COL5A2: variants seen among roughly 807,000 people sequenced by gnomAD.
The protein encoded by COL5A2 is collagen type V alpha 2 chain, also known as collagen alpha-2(V) chain.
COL5A2 carries 23 observed loss-of-function variants against 208.2 expected under a neutral mutation model. That is an observed-to-expected ratio of 0.11 (90% CI 0.08 to 0.16). COL5A2 has a LOEUF of 0.16. Ranked by LOEUF, COL5A2 falls within the 10% of genes least tolerant of loss-of-function variation. The probability of loss-of-function intolerance (pLI) is 1.00; values close to 1 mark genes in which losing one functional copy is unlikely to be tolerated. For missense variants in COL5A2, 1,590 were observed against 1,956.4 expected (o/e 0.81, Z 3.53); for synonymous variants, 625 against 628.5 (o/e 0.99, Z 0.08).
chr2:189,224,063 G>C (rs1235624033), intron 1 of COL5A2, among the ~76,000 whole-genome samples: 1 of 152,042 alleles, frequency 6.6e-6, no homozygotes, highest in Non-Finnish European at 1.5e-5. Flanking sequence ...GGAAGGAGGG[G>C]TGGTGCCAAA....
the COL5A2 span, among the ~76,000 whole-genome samples, chr2:189,272,828 C>T: frequency 6.6e-6 from 1 of 152,060 alleles, no homozygotes. Flanking sequence ...TTATTCTCCA[C>T]CAGTTTGTGG....
rs557612955 is a variant in COL5A2 at position 189,062,069 on chromosome 2, C to A, written c.1978-454G>T. On this transcript the variant is annotated intron_variant, in intron 29 of 53. Coordinates refer to ENST00000374866, the MANE Select transcript of COL5A2 (RefSeq NM_000393.5). ...AAAGATTTAAACTGCCCCACCCCCCCAAAAAAATATGCCAAAATATTTCGG... is the reference window on the plus strand; with the variant it reads ...AAAGATTTAAACTGCCCCACCCCCCAAAAAAAATATGCCAAAATATTTCGG... Among the ~76,000 whole-genome samples, 981 of 151,854 alleles carry A rather than the reference C, an allele frequency of 6.5e-3. 3 individuals carry two copies. Among genetic ancestry groups the A allele is most frequent in the Non-Finnish European group, 0.011 (716 of 67,942 alleles).
Position 189,039,197 on chromosome 2 carries a change from C to A in COL5A2, c.3925+75G>T. 2.6e-6 allele frequency: 4 copies of A among 1,529,598 alleles called. No individual in the cohort carries two copies. In the South Asian group the frequency reaches 3.4e-5, roughly 13 times the overall value. The allele number at this position is 1,529,598 out of a possible 1,614,324, so 94.8% of individuals were successfully genotyped here. A position where few individuals can be genotyped will look rare whatever the true frequency, so the allele number is the denominator to read the frequency against. On this transcript the variant is annotated intron_variant, in intron 51 of 53. Transcript: ENST00000374866. ...CTATCACTAAGTAGAAAGTCAGTAA[C>A]ATATTTTGGAATGCAGTTGAGAATA...
At chr2:189,098,155 A>C (rs908608353) in intron 5 of COL5A2, among the ~76,000 whole-genome samples, 1 of 152,228 alleles carries the variant, frequency 6.6e-6, no homozygotes, top group Non-Finnish European at 1.5e-5. Context: ...ATCGTTTAAA[A>C]GTGAGGGCTT....
upstream of COL5A2, among the ~76,000 whole-genome samples, chr2:189,228,969 C>A (rs183202110): frequency 1.3e-5 from 2 of 151,738 alleles, no homozygotes; most frequent in African/African-American, 4.8e-5. Flanking sequence ...TATGACCAAG[C>A]GAGATTTATC....
intron 1 of COL5A2, among the ~76,000 whole-genome samples, chr2:189,151,395 C>A (rs1688138982): frequency 1.3e-5 from 2 of 152,182 alleles, no homozygotes; most frequent in South Asian, 4.1e-4. Flanking sequence ...AGAGCAAAGA[C>A]AATCTAGATA....
chr2:189,144,313 C>G (rs1016520134), intron 1 of COL5A2, among the ~76,000 whole-genome samples: 10 of 152,156 alleles, frequency 6.6e-5, no homozygotes, highest in African/African-American at 2.4e-4. Flanking sequence ...TTAGTTTTAC[C>G]TAGTTAGGAG....
intron 31 of COL5A2, among the ~76,000 whole-genome samples, chr2:189,059,289 T>C (rs2105580205): frequency 6.6e-6 from 1 of 152,232 alleles, no homozygotes; most frequent in African/African-American, 2.4e-5. Flanking sequence ...GTCTTTTAAA[T>C]AGAACCAATC....
chr2:189,325,481 G>GAT, the COL5A2 span, among the ~76,000 whole-genome samples: 1 of 148,910 alleles, frequency 6.7e-6, no homozygotes, highest in East Asian at 2.0e-4. Context: ...TCCCCAAACA[G>GAT]ACACACACAC....
At chr2:189,108,483 A>G (rs1687195483) in intron 2 of COL5A2, among the ~76,000 whole-genome samples, 1 of 151,874 alleles carries the variant, frequency 6.6e-6, no homozygotes, top group African/African-American at 2.4e-5. Context: ...AGTCTTAACA[A>G]CTTTTCCCTT....
chr2:189,306,595 C>G, the COL5A2 span, among the ~76,000 whole-genome samples: 1 of 152,168 alleles, frequency 6.6e-6, no homozygotes, highest in African/African-American at 2.4e-5. Flanking sequence ...CAATGAGGAC[C>G]TGTCTTGACA....
At chr2:189,369,239 A>T in the COL5A2 span, among the ~76,000 whole-genome samples, 4 of 152,168 alleles carry the variant, frequency 2.6e-5, no homozygotes, top group African/African-American at 9.6e-5. Flanking sequence ...GTTTTGAACT[A>T]GTCTTACCTA....
At chr2:189,058,813 G>A in intron 32 of COL5A2, 36 bp downstream of exon 32, 2 of 1,597,220 alleles carry the variant, frequency 1.3e-6, no homozygotes, top group Non-Finnish European at 1.7e-6. Flanking sequence ...GAAGCCAGTG[G>A]GAAACAACAT....
chr2:189,095,491 C>T (rs1219215986), intron 6 of COL5A2, among the ~76,000 whole-genome samples: 2 of 151,980 alleles, frequency 1.3e-5, no homozygotes, highest in African/African-American at 2.4e-5. Context: ...CTCTCTCTCT[C>T]GCTCTTTCAT....
chr2:189,075,745 T>C (rs530964711), intron 16 of COL5A2, among the ~76,000 whole-genome samples: 4 of 152,312 alleles, frequency 2.6e-5, no homozygotes, highest in Admixed American at 2.6e-4. Context: ...CAATGAAAAT[T>C]TGAACACCTC....
rs1437860039 is a variant in COL5A2 at position 189,062,851 on chromosome 2, C to CA, written c.1977+13dup. ...ATATATATTCTCACACACACACACA[C>CA]AAAAATCACATACCGGCGGGCCCAC... On this transcript the variant is annotated intron_variant, in intron 29 of 53. Transcript: ENST00000374866. The CA allele has an allele frequency of 1.2e-6, 2 of 1,613,990 alleles. No individual in the cohort carries two copies. The highest frequency in any genetic ancestry group is 1.7e-5 in the Admixed American group (1 of 60,002).
Position 189,219,500 on chromosome 2 carries a change from T to C in COL5A2, c.-42+5648A>G, listed in dbSNP as rs923585556. ...GAATACATTTCAGGCCTCACAAAAA[T>C]CTGGAACTACCTTTATGTAAGGGTG... On this transcript the variant is annotated intron_variant, in intron 1 of 10. Transcript: ENST00000649966. Among the ~76,000 whole-genome samples, 5 of 152,280 alleles carry C rather than the reference T, an allele frequency of 3.3e-5. No individual in the cohort carries two copies. In the East Asian group the frequency reaches 7.7e-4, roughly 24 times the overall value.
chr2:189,299,950 T>A, the COL5A2 span, among the ~76,000 whole-genome samples: 1 of 152,282 alleles, frequency 6.6e-6, no homozygotes, highest in African/African-American at 2.4e-5. Flanking sequence ...AAGGATGCCC[T>A]CTATGGCCTT....
chr2:189,097,396 T>C, intron 5 of COL5A2, 66 bp from the exon 6 acceptor site: 1 of 1,553,194 alleles, frequency 6.4e-7, no homozygotes, highest in Non-Finnish European at 8.9e-7. Context: ...TTTAAAAGTC[T>C]ACTTGATAAA....
Sources: gnomAD v4.1 joint callset for allele counts (sites outside exome capture counted in the v4.1 genomes callset) on GRCh38, gnomAD v4.1.1 for gene constraint, MANE v1.5 for transcripts, NCBI Gene and HGNC (gene_info 2026-07-23, HGNC 2026-07-21) for gene names.